Variants in RNF2 observed in about 807,000 individuals in gnomAD.
RNF2 encodes the protein ring finger protein 2, also known as E3 ubiquitin-protein ligase RING2.
In RNF2, 6 loss-of-function variants were observed where a neutral mutation model predicts 37.2. The ratio of observed to expected loss-of-function variants is 0.16; its 90% CI spans 0.09 to 0.32. RNF2 has a LOEUF of 0.32. Ranked by LOEUF, RNF2 falls within the 10% of genes least tolerant of loss-of-function variation. The pLI is 1.00. For synonymous variants in RNF2, 133 were observed against 132.7 expected, an observed-to-expected ratio of 1.00 and a Z score of -0.02; for missense variants, 251 against 404.0, an observed-to-expected ratio of 0.62 and a Z score of 3.25.
At chr1:185,071,626 C>T (rs1240281388) in intron 1 of RNF2, 1 of 156,040 alleles carries the variant, frequency 6.4e-6, no homozygotes. Context: ...TTCAGACCCA[C>T]CTCCCCGCCA....
chr1:185,100,172 A>G (rs781273101), intron 6 of RNF2, 28 bp from the exon 7 acceptor site: 10 of 1,516,662 alleles, frequency 6.6e-6, no homozygotes, highest in Non-Finnish European at 9.0e-6. Flanking sequence ...TGCAGTTTTC[A>G]TAATTTTTTC....
chr1:185,086,406 C>T (rs1651602763), intron 1 of RNF2, among the ~76,000 whole-genome samples: 1 of 151,786 alleles, frequency 6.6e-6, no homozygotes, highest in Non-Finnish European at 1.5e-5. Flanking sequence ...ACTAGATGTC[C>T]CCCTACTCAA....
intron 1 of RNF2, among the ~76,000 whole-genome samples, chr1:185,080,422 A>G (rs1267748681): frequency 6.6e-6 from 1 of 152,238 alleles, no homozygotes; most frequent in Non-Finnish European, 1.5e-5. Flanking sequence ...ATGAAGATGT[A>G]TATTGATCTA....
intron 4 of RNF2, among the ~76,000 whole-genome samples, chr1:185,094,712 AT>A (rs1651864505): frequency 2.6e-5 from 4 of 152,174 alleles, no homozygotes. Flanking sequence ...TTCTATTCAC[AT>A]TCAGGCTAAA....
At chr1:185,055,739 G>A (rs1380028051) in intron 1 of RNF2, among the ~76,000 whole-genome samples, 2 of 152,126 alleles carry the variant, frequency 1.3e-5, no homozygotes, top group East Asian at 3.8e-4. Flanking sequence ...CGTTTTATAT[G>A]AGAGTTATAT....
chr1:185,076,750 T>A (rs1269875917), intron 1 of RNF2, among the ~76,000 whole-genome samples: 2 of 152,116 alleles, frequency 1.3e-5, no homozygotes, highest in African/African-American at 4.8e-5. Flanking sequence ...CTTTGTTTTG[T>A]TATATTGATC....
chr1:185,062,408 CTT>C (rs1036618148), intron 1 of RNF2, among the ~76,000 whole-genome samples: 1 of 152,036 alleles, frequency 6.6e-6, no homozygotes, highest in Non-Finnish European at 1.5e-5. Context: ...ATTTCTCTCT[CTT>C]TTCCCATCTT....
intron 1 of RNF2, among the ~76,000 whole-genome samples, chr1:185,050,754 G>A (rs1257812905): frequency 2.6e-5 from 4 of 152,122 alleles, no homozygotes; most frequent in African/African-American, 4.8e-5. Context: ...GTACCAATAG[G>A]TGATCTAAAA....
intron 1 of RNF2, among the ~76,000 whole-genome samples, chr1:185,058,725 A>G (rs371510480): frequency 5.3e-5 from 8 of 152,246 alleles, no homozygotes; most frequent in African/African-American, 1.9e-4. Context: ...TAAGATTATC[A>G]AAGTCTAGTT....
intron 1 of RNF2, among the ~76,000 whole-genome samples, chr1:185,065,773 A>G (rs1242802327): frequency 6.6e-6 from 1 of 152,220 alleles, no homozygotes; most frequent in Non-Finnish European, 1.5e-5. Flanking sequence ...GAGAGCAAGA[A>G]ACCACTGGAA....
At chr1:185,052,440 T>C (rs2102151341) in intron 1 of RNF2, among the ~76,000 whole-genome samples, 1 of 152,210 alleles carries the variant, frequency 6.6e-6, no homozygotes, top group East Asian at 1.9e-4. Context: ...ACCTTGAAAA[T>C]ATGCCAAGTG....
chr1:185,056,389 C>T (rs1222298352), intron 1 of RNF2, among the ~76,000 whole-genome samples: 1 of 150,892 alleles, frequency 6.6e-6, no homozygotes, highest in East Asian at 1.9e-4. Context: ...GACAGGGCCT[C>T]CCTCTGCTGT....
At chr1:185,077,621 C>CTTTTTTTTTTTTTTTT (rs1553241118) in intron 1 of RNF2, among the ~76,000 whole-genome samples, 3 of 111,570 alleles carry the variant, frequency 2.7e-5, no homozygotes, top group African/African-American at 1.2e-4. Flanking sequence ...TAGGAATTAA[C>CTTTTTTTTTTTTTTTT]TTTGTTTTTT....
chr1:185,083,348 A>G (rs1036548894), intron 1 of RNF2, among the ~76,000 whole-genome samples: 2 of 151,918 alleles, frequency 1.3e-5, no homozygotes, highest in Non-Finnish European at 1.5e-5. Context: ...CAAATTTGCA[A>G]TTTTCCATTT....
intron 1 of RNF2, among the ~76,000 whole-genome samples, chr1:185,070,355 A>T (rs1419562443): frequency 6.6e-6 from 1 of 152,204 alleles, no homozygotes; most frequent in Non-Finnish European, 1.5e-5. Context: ...AGTTCCAAAG[A>T]TCATTTACTG....
intron 6 of RNF2, 97 bp from the exon 7 acceptor site, chr1:185,100,103 G>GA (rs1231373232): frequency 9.4e-4 from 1,118 of 1,192,642 alleles, no homozygotes; most frequent in South Asian, 1.3e-3. Context: ...CCTAAGATTT[G>GA]AAAAAAAAAG....
At chr1:185,095,447 A>G (rs1047084052) in intron 4 of RNF2, among the ~76,000 whole-genome samples, 1 of 152,198 alleles carries the variant, frequency 6.6e-6, no homozygotes, top group South Asian at 2.1e-4. Flanking sequence ...CTTAGCAGGT[A>G]TCTGCTTAAG....
At chr1:185,076,094 C>G (rs754301157) in intron 1 of RNF2, among the ~76,000 whole-genome samples, 2 of 151,504 alleles carry the variant, frequency 1.3e-5, no homozygotes, top group African/African-American at 2.4e-5. Context: ...ACATATGTTG[C>G]ACATATTTTT....
intron 1 of RNF2, among the ~76,000 whole-genome samples, chr1:185,085,464 G>A (rs972767383): frequency 2.6e-5 from 4 of 151,728 alleles, no homozygotes; most frequent in Non-Finnish European, 4.4e-5. Flanking sequence ...CCAGTGTTTT[G>A]TATATCATTT....
Sources: gnomAD v4.1 joint callset for allele counts (sites outside exome capture counted in the v4.1 genomes callset) on GRCh38, gnomAD v4.1.1 for gene constraint, MANE v1.5 for transcripts, NCBI Gene and HGNC (gene_info 2026-07-23, HGNC 2026-07-21) for gene names.